Variants in NHEJ1 observed in about 807,000 individuals in gnomAD.
NHEJ1 encodes non-homologous end joining factor 1.
Under a neutral mutation model 39.4 loss-of-function variants are expected in NHEJ1, and 22 were observed. The observed-to-expected ratio is 0.56, with a 90% CI of 0.40 to 0.80. The LOEUF is 0.80. Ranked by LOEUF, NHEJ1 falls within the 30% of genes least tolerant of loss-of-function variation. The probability of loss-of-function intolerance (pLI) is 0.00; values close to 1 mark genes in which losing one functional copy is unlikely to be tolerated. For synonymous variants in NHEJ1, 154 were observed against 135.6 expected (o/e 1.14, Z -0.94); for missense variants, 329 against 357.1 (o/e 0.92, Z 0.63).
intron 5 of NHEJ1, among the ~76,000 whole-genome samples, chr2:219,080,813 C>A (rs1282726877): frequency 6.6e-6 from 1 of 151,830 alleles, no homozygotes; most frequent in Non-Finnish European, 1.5e-5. Context: ...CCTGAGCTCA[C>A]GGTAGAGGCT....
At chr2:219,152,454 C>T (rs1191429886) in intron 3 of NHEJ1, among the ~76,000 whole-genome samples, 1 of 151,840 alleles carries the variant, frequency 6.6e-6, no homozygotes, top group Non-Finnish European at 1.5e-5. Flanking sequence ...AACAAACAAA[C>T]AAATAAACAA....
intron 5 of NHEJ1, 142 bp from the exon 6 acceptor site, chr2:219,078,348 C>A (rs1327458997): frequency 3.3e-5 from 24 of 735,622 alleles, no homozygotes; most frequent in Non-Finnish European, 5.8e-5. Context: ...CATATCCAAG[C>A]CTGGTGGCAA....
chr2:219,076,300 T>C lies in NHEJ1; in HGVS notation c.*81A>G. On this transcript the variant is annotated 3_prime_UTR_variant, in exon 8 of 8. Transcript: ENST00000356853. ...GACTGTATCACTATTTTAGAAATAT[T>C]GCTGCCATGTAAGCTTCTTTCAAGG... 6.2e-7 allele frequency: 1 copy of C among 1,612,834 alleles called. No homozygotes were observed. Among genetic ancestry groups the C allele is most frequent in the Non-Finnish European group, 8.5e-7 (1 of 1,179,458 alleles).
At chr2:219,143,690 C>T (rs1949710851) in intron 5 of NHEJ1, among the ~76,000 whole-genome samples, 2 of 152,216 alleles carry the variant, frequency 1.3e-5, no homozygotes, top group Non-Finnish European at 2.9e-5. Flanking sequence ...CCAGAACCTA[C>T]AGGACCAGTA....
intron 5 of NHEJ1, among the ~76,000 whole-genome samples, chr2:219,079,910 A>C (rs894204768): frequency 2.0e-5 from 3 of 152,216 alleles, no homozygotes; most frequent in African/African-American, 4.8e-5. Flanking sequence ...AGGGTCACTC[A>C]TACATGACTT....
chr2:219,159,780 C>T (rs1290208836), intron 1 of NHEJ1, among the ~76,000 whole-genome samples: 1 of 108,324 alleles, frequency 9.2e-6, no homozygotes, highest in Non-Finnish European at 2.4e-5. Flanking sequence ...GTCACAAACG[C>T]GAATAAAGTC....
intron 5 of NHEJ1, among the ~76,000 whole-genome samples, chr2:219,140,451 T>C (rs902801683): frequency 6.6e-6 from 1 of 152,168 alleles, no homozygotes; most frequent in South Asian, 2.1e-4. Context: ...GCTTTTGCCA[T>C]AATGCAGGTA....
Position 219,070,682 on chromosome 2 carries a change from C to CT in NHEJ1, c.*5698dup, listed in dbSNP as rs911530719. On this transcript the variant is annotated 3_prime_UTR_variant, in exon 8 of 8. Transcript: ENST00000356853. Reference sequence around the variant, plus strand: ...AATCCAGACACTCAATCTTTTCTTTCTTTTTTTTTTTTAATTCAAAATACC... The same window carrying CT: ...AATCCAGACACTCAATCTTTTCTTTCTTTTTTTTTTTTTAATTCAAAATACC... 2.1e-3 allele frequency among the ~76,000 whole-genome samples: 305 copies of CT among 146,080 alleles called. 1 individual carries two copies. Among genetic ancestry groups the CT allele is most frequent in the African/African-American group, 6.2e-3 (249 of 39,998 alleles).
rs1448335113 is a variant in NHEJ1 at position 219,075,747 on chromosome 2, G to A, written c.*634C>T. The stretch of plus-strand genomic sequence containing the variant: ...GAAAAATGCATCCAAGTTTGGCAAA[G>A]GAAAGCAGCAATCACCTATCTGTCT... On this transcript the variant is annotated 3_prime_UTR_variant, in exon 8 of 8. Transcript: ENST00000356853. 1 of 152,380 alleles carries A rather than the reference G, an allele frequency of 6.6e-6. No homozygotes were observed. Among genetic ancestry groups the A allele is most frequent in the African/African-American group, 2.4e-5 (1 of 41,442 alleles). 9.4% of individuals were successfully genotyped at this position (152,380 alleles called of 1,614,324 possible). A position where few individuals can be genotyped will look rare whatever the true frequency, so the allele number is the denominator to read the frequency against.
At chr2:219,119,722 G>A (rs1052437293) in intron 5 of NHEJ1, among the ~76,000 whole-genome samples, 2 of 152,116 alleles carry the variant, frequency 1.3e-5, no homozygotes, top group African/African-American at 4.8e-5. Flanking sequence ...AATCCTAAAG[G>A]AATTTAATCT....
chr2:219,075,442 C>T lies in NHEJ1; in HGVS notation c.*939G>A, dbSNP rs1949003590. 6.6e-6 allele frequency: 1 copy of T among 152,066 alleles called. No homozygotes were observed. The highest frequency in any genetic ancestry group is 2.4e-5 in the African/African-American group (1 of 41,392). The allele number at this position is 152,066 out of a possible 1,614,324, so 9.4% of individuals were successfully genotyped here. A position where few individuals can be genotyped will look rare whatever the true frequency, so the allele number is the denominator to read the frequency against. On this transcript the variant is annotated 3_prime_UTR_variant, in exon 8 of 8. Coordinates refer to ENST00000356853, the MANE Select transcript of NHEJ1 (RefSeq NM_024782.3). ...TTTGAATAAGGAGGCATTTAACCAT[C>T]GAAAGTAAATAAACCAGAAATTGGA... is the stretch of plus-strand genomic sequence containing the variant.
chr2:219,080,630 T>A (rs866694655), intron 5 of NHEJ1, among the ~76,000 whole-genome samples: 2 of 138,382 alleles, frequency 1.4e-5, no homozygotes, highest in Admixed American at 7.1e-5. Context: ...TATATGCTAA[T>A]ATATATAAGC....
intron 5 of NHEJ1, among the ~76,000 whole-genome samples, chr2:219,100,822 T>C (rs1275876514): frequency 6.6e-6 from 1 of 152,178 alleles, no homozygotes; most frequent in Non-Finnish European, 1.5e-5. Flanking sequence ...AGATAAAGAA[T>C]TGGTGCTGGG....
chr2:219,158,892 A>G (rs1363261799), intron 1 of NHEJ1: 1 of 183,828 alleles, frequency 5.4e-6, no homozygotes, highest in Non-Finnish European at 1.2e-5. Context: ...AAAAATCCCT[A>G]AAACAGGTTC....
intron 3 of NHEJ1, among the ~76,000 whole-genome samples, chr2:219,148,886 C>G (rs1285707417): frequency 2.6e-5 from 4 of 151,768 alleles, no homozygotes; most frequent in African/African-American, 9.7e-5. Context: ...ACACAACCCC[C>G]CCTTTTTTTT....
chr2:219,148,993 C>G (rs1444980611), intron 3 of NHEJ1, among the ~76,000 whole-genome samples: 1 of 151,990 alleles, frequency 6.6e-6, no homozygotes, highest in African/African-American at 2.4e-5. Flanking sequence ...AAGCGATTCT[C>G]CTGCCTCACC....
chr2:219,071,529 T>G lies in NHEJ1; in HGVS notation c.*4852A>C, dbSNP rs2106315734. 6.6e-6 allele frequency among the ~76,000 whole-genome samples: 1 copy of G among 152,234 alleles called. No homozygotes were observed. The highest frequency in any genetic ancestry group is 1.9e-4 in the East Asian group (1 of 5,180). ...GGGCTTCCCCTTCCAGCTGCCAATA[T>G]GAAAAAGTAAATACAACACATTTCA... is the stretch of plus-strand genomic sequence containing the variant. On this transcript the variant is annotated 3_prime_UTR_variant, in exon 8 of 8. Coordinates refer to ENST00000356853, the MANE Select transcript of NHEJ1 (RefSeq NM_024782.3).
chr2:219,123,280 T>C (rs189833424), intron 5 of NHEJ1, among the ~76,000 whole-genome samples: 115 of 152,298 alleles, frequency 7.6e-4, no homozygotes, highest in African/African-American at 2.6e-3. Context: ...TAAAGTTCTA[T>C]AGACTGGAGT....
chr2:219,113,726 T>C (rs1949386321), intron 5 of NHEJ1, among the ~76,000 whole-genome samples: 1 of 152,180 alleles, frequency 6.6e-6, no homozygotes, highest in Non-Finnish European at 1.5e-5. Context: ...TGGCCTTACC[T>C]GTATGAGCCT....
Sources: allele counts gnomAD v4.1 joint callset (sites outside exome capture counted in the v4.1 genomes callset), GRCh38; gene constraint gnomAD v4.1.1; transcripts MANE v1.5; gene names NCBI Gene and HGNC (gene_info 2026-07-23, HGNC 2026-07-21).